Variants in GRIN2B observed in about 807,000 individuals in gnomAD.
The protein encoded by GRIN2B is glutamate receptor ionotropic, NMDA 2B.
In GRIN2B, 5 loss-of-function variants were observed where a neutral mutation model predicts 114.5. That is an observed-to-expected ratio of 0.04 (90% CI 0.02 to 0.09). The LOEUF (loss-of-function observed/expected upper bound fraction) is 0.09, where lower values mean the gene tolerates loss of function less well. GRIN2B is among the 10% of genes least tolerant of loss of function. The pLI is 1.00. For synonymous variants in GRIN2B, 787 were observed against 745.1 expected (o/e 1.06, Z -0.92); for missense variants, 1,108 against 1,943.5 (o/e 0.57, Z 8.08).
chr12:13,752,863 T>G (rs979595602), intron 4 of GRIN2B, among the ~76,000 whole-genome samples: 1 of 152,220 alleles, frequency 6.6e-6, no homozygotes, highest in Admixed American at 6.5e-5. Flanking sequence ...GTAAGCGGAC[T>G]GGTCCTCCCT....
intron 3 of GRIN2B, among the ~76,000 whole-genome samples, chr12:13,799,116 C>A (rs1484778736): frequency 6.6e-6 from 1 of 152,190 alleles, no homozygotes; most frequent in Non-Finnish European, 1.5e-5. Flanking sequence ...CCCATTGCAT[C>A]CCCTGGAAGC....
chr12:13,961,314 C>A (rs950490112), intron 2 of GRIN2B, among the ~76,000 whole-genome samples: 3 of 151,924 alleles, frequency 2.0e-5, no homozygotes, highest in African/African-American at 7.3e-5. Context: ...GTGGAGGAAG[C>A]AAAGCCTGAA....
At chr12:13,756,483 C>A (rs1381064811) in intron 3 of GRIN2B, among the ~76,000 whole-genome samples, 6 of 152,218 alleles carry the variant, frequency 3.9e-5, no homozygotes, top group Non-Finnish European at 5.9e-5. Flanking sequence ...ATAGCTGTCA[C>A]TTTAAAGAGA....
intron 4 of GRIN2B, among the ~76,000 whole-genome samples, chr12:13,684,477 C>G (rs751983470): frequency 2.0e-5 from 3 of 152,178 alleles, no homozygotes; most frequent in Admixed American, 6.5e-5. Context: ...TGAAATTCCT[C>G]TTTGTGCTCA....
At chr12:13,818,932 C>T (rs57861072) in intron 3 of GRIN2B, among the ~76,000 whole-genome samples, 9 of 152,170 alleles carry the variant, frequency 5.9e-5, no homozygotes, top group South Asian at 4.1e-4. Context: ...CACATAACCT[C>T]GAAAGAATAC....
chr12:13,734,380 A>G (rs993617597), intron 4 of GRIN2B, among the ~76,000 whole-genome samples: 1 of 152,198 alleles, frequency 6.6e-6, no homozygotes, highest in African/African-American at 2.4e-5. Flanking sequence ...AATAAAGAGC[A>G]GTGAGGAATC....
chr12:13,709,404 A>G (rs545497193), intron 4 of GRIN2B, among the ~76,000 whole-genome samples: 2 of 152,178 alleles, frequency 1.3e-5, no homozygotes, highest in South Asian at 4.1e-4. Context: ...TATTATAAAA[A>G]TACTCAAACA....
At chr12:13,572,628 A>T (rs1175062197) in intron 10 of GRIN2B, among the ~76,000 whole-genome samples, 9 of 152,048 alleles carry the variant, frequency 5.9e-5, no homozygotes, top group African/African-American at 2.2e-4. Flanking sequence ...TAATAAAGAG[A>T]AACCTCTTGG....
intron 4 of GRIN2B, among the ~76,000 whole-genome samples, chr12:13,708,249 C>T (rs565981582): frequency 3.3e-5 from 5 of 152,200 alleles, no homozygotes; most frequent in South Asian, 2.1e-4. Flanking sequence ...CCTTCCCCCA[C>T]GCTTCCCGTA....
intron 4 of GRIN2B, among the ~76,000 whole-genome samples, chr12:13,747,655 A>G (rs1020009936): frequency 3.3e-5 from 5 of 152,238 alleles, no homozygotes; most frequent in African/African-American, 9.6e-5. Flanking sequence ...ATGAAAAGCC[A>G]CTGTGCCAGC....
At chr12:13,679,961 G>C (rs560805236) in intron 4 of GRIN2B, among the ~76,000 whole-genome samples, 1 of 152,000 alleles carries the variant, frequency 6.6e-6, no homozygotes, top group Non-Finnish European at 1.5e-5. Flanking sequence ...CAAATATAAG[G>C]TTATTTAATA....
Position 13,564,220 on chromosome 12 carries a change from A to G in GRIN2B, c.3018T>C (p.Cys1006=). 1 of 1,614,172 alleles carries G rather than the reference A, an allele frequency of 6.2e-7. No homozygotes were observed. Among genetic ancestry groups the G allele is most frequent in the South Asian group, 1.1e-5 (1 of 91,082 alleles). Residue 1006 remains cysteine (C), a synonymous_variant, in exon 14 of 14, where the codon TGT becomes TGC. Transcript: ENST00000609686. The surrounding 1 kb of genome is among the most constrained non-coding windows in gnomAD (Gnocchi z 4.8). ...SASSIDGLYD[C]DNPPFTTQSR... ...ACTGGGTGGTGAAGGGTGGGTTGTC[A>G]CAGTCGTAGAGCCCATCGATGGAGC...
intron 3 of GRIN2B, among the ~76,000 whole-genome samples, chr12:13,853,398 T>C (rs1865605566): frequency 6.6e-6 from 1 of 152,244 alleles, no homozygotes; most frequent in Admixed American, 6.5e-5. Context: ...TGATTAAATA[T>C]AGTTGGGTGA....
chr12:13,843,247 GCA>G (rs1323327192), intron 3 of GRIN2B, among the ~76,000 whole-genome samples: 11 of 150,604 alleles, frequency 7.3e-5, no homozygotes, highest in African/African-American at 2.7e-4. Context: ...ACACACACTC[GCA>G]CAGACACACA....
chr12:13,778,103 T>C (rs149651770), intron 3 of GRIN2B, among the ~76,000 whole-genome samples: 1 of 152,338 alleles, frequency 6.6e-6, no homozygotes, highest in Non-Finnish European at 1.5e-5. Flanking sequence ...GAGTGGACTT[T>C]CCCTATCTCC....
intron 3 of GRIN2B, among the ~76,000 whole-genome samples, chr12:13,774,177 A>T (rs1459033110): frequency 6.6e-6 from 1 of 152,216 alleles, no homozygotes; most frequent in East Asian, 1.9e-4. Context: ...AGTAAATTTT[A>T]AAATAAGGGA....
chr12:13,734,794 C>CT (rs1445055037), intron 4 of GRIN2B, among the ~76,000 whole-genome samples: 1 of 152,142 alleles, frequency 6.6e-6, no homozygotes, highest in African/African-American at 2.4e-5. Flanking sequence ...TCAGAGAAGG[C>CT]TTCAGAGAGG....
At chr12:13,880,766 G>A (rs1011810903) in intron 2 of GRIN2B, among the ~76,000 whole-genome samples, 1 of 152,156 alleles carries the variant, frequency 6.6e-6, no homozygotes, top group South Asian at 2.1e-4. Flanking sequence ...ATGAACCTAA[G>A]TACAATGACC....
chr12:13,803,930 C>T lies in GRIN2B; in HGVS notation c.412-50015G>A, dbSNP rs144602653. The stretch of plus-strand genomic sequence containing the variant: ...GTTTGTCCCAACCAGCCATTTTATG[C>T]CCCTCTGTTTCTATTTCAAGTACAG... On this transcript the variant is annotated intron_variant, in intron 3 of 13. Transcript: ENST00000609686. Among the ~76,000 whole-genome samples, 24 of 152,278 alleles carry T rather than the reference C, an allele frequency of 1.6e-4. No individual in the cohort carries two copies. In the East Asian group the frequency reaches 4.2e-3, roughly 27 times the overall value.
Sources: allele counts gnomAD v4.1 joint callset (sites outside exome capture counted in the v4.1 genomes callset), GRCh38; gene constraint gnomAD v4.1.1; non-coding constraint Gnocchi (gnomAD v3.1); transcripts MANE v1.5; gene names NCBI Gene and HGNC (gene_info 2026-07-23, HGNC 2026-07-21).